The following ENTREP2 variants were observed in gnomAD, a reference collection of about 807,000 sequenced individuals.
The protein encoded by ENTREP2 is endosomal transmembrane epsin interactor 2, also known as protein ENTREP2.
At chr15:29,519,372 T>TCTCTG in the ENTREP2 span, among the ~76,000 whole-genome samples, 1 of 151,568 alleles carries the variant, frequency 6.6e-6, no homozygotes, top group Non-Finnish European at 1.5e-5. Context: ...CCCTCCTACT[T>TCTCTG]CCTCTGCCTC....
chr15:29,296,267 A>AG, the ENTREP2 span, among the ~76,000 whole-genome samples: 1 of 152,188 alleles, frequency 6.6e-6, no homozygotes, highest in Non-Finnish European at 1.5e-5. Context: ...GGCTTGGATG[A>AG]GGGGGTAGCA....
chr15:29,482,123 A>G, the ENTREP2 span, among the ~76,000 whole-genome samples: 51 of 151,650 alleles, frequency 3.4e-4, no homozygotes, highest in Non-Finnish European at 6.3e-4. Flanking sequence ...TCAGCCTCCC[A>G]AGTAGCTGGG....
the ENTREP2 span, among the ~76,000 whole-genome samples, chr15:29,318,334 T>C: frequency 2.0e-5 from 3 of 152,118 alleles, no homozygotes; most frequent in South Asian, 2.1e-4. Context: ...TGTTTTTTGT[T>C]TTTTGAGACG....
At chr15:29,217,248 GT>G in the ENTREP2 span, among the ~76,000 whole-genome samples, 1 of 152,122 alleles carries the variant, frequency 6.6e-6, no homozygotes, top group Non-Finnish European at 1.5e-5. Flanking sequence ...GCTTGCAGAA[GT>G]TAAGTCCTTG....
chr15:29,165,497 T>C, the ENTREP2 span, among the ~76,000 whole-genome samples: 1 of 152,160 alleles, frequency 6.6e-6, no homozygotes, highest in Admixed American at 6.5e-5. Context: ...AAACAGGAGA[T>C]ATTACAGTTG....
the ENTREP2 span, among the ~76,000 whole-genome samples, chr15:29,446,388 T>C: frequency 9.2e-5 from 14 of 152,184 alleles, no homozygotes; most frequent in Admixed American, 9.2e-4. Context: ...TTGGAAGGTT[T>C]TTTTTTCCTG....
the ENTREP2 span, among the ~76,000 whole-genome samples, chr15:29,131,783 G>T: frequency 6.8e-6 from 1 of 146,256 alleles, no homozygotes; most frequent in Admixed American, 6.8e-5. Context: ...CCTCTGGAGG[G>T]CCACCGTCGT....
the ENTREP2 span, chr15:29,269,756 C>T: frequency 7.2e-7 from 1 of 1,398,138 alleles, no homozygotes; most frequent in Non-Finnish European, 9.3e-7. Flanking sequence ...GCAGCCGCGG[C>T]GGGGATTGCG....
At chr15:29,556,609 G>C in the ENTREP2 span, among the ~76,000 whole-genome samples, 1 of 152,142 alleles carries the variant, frequency 6.6e-6, no homozygotes, top group Non-Finnish European at 1.5e-5. Flanking sequence ...AGCCTTTCTT[G>C]CAAGATCTCT....
chr15:29,209,452 G>C, the ENTREP2 span, among the ~76,000 whole-genome samples: 1 of 152,058 alleles, frequency 6.6e-6, no homozygotes, highest in Non-Finnish European at 1.5e-5. Context: ...CTGTGGGCCG[G>C]TATCACCCCA....
chr15:29,591,264 G>C, the ENTREP2 span, among the ~76,000 whole-genome samples: 2 of 152,100 alleles, frequency 1.3e-5, no homozygotes, highest in African/African-American at 4.8e-5. Flanking sequence ...CTCAATTTTA[G>C]AAGATTATTG....
At chr15:29,369,120 G>A in the ENTREP2 span, among the ~76,000 whole-genome samples, 8 of 152,060 alleles carry the variant, frequency 5.3e-5, no homozygotes, top group African/African-American at 1.9e-4. Context: ...ATGCAATGGA[G>A]TATATCAACA....
At chr15:29,530,508 G>C in the ENTREP2 span, among the ~76,000 whole-genome samples, 1 of 152,148 alleles carries the variant, frequency 6.6e-6, no homozygotes, top group African/African-American at 2.4e-5. Context: ...GCAACTACCA[G>C]ATCGATCAAG....
the ENTREP2 span, among the ~76,000 whole-genome samples, chr15:29,337,534 A>G: frequency 2.0e-5 from 3 of 152,230 alleles, no homozygotes; most frequent in Admixed American, 1.3e-4. Context: ...TAATTTACAG[A>G]AAGGGAAACA....
the ENTREP2 span, among the ~76,000 whole-genome samples, chr15:29,316,427 G>A: frequency 2.0e-5 from 3 of 152,036 alleles, no homozygotes; most frequent in East Asian, 1.9e-4. Flanking sequence ...TTGAACATGA[G>A]GTATTTGATG....
chr15:29,175,933 G>C, the ENTREP2 span, among the ~76,000 whole-genome samples: 12 of 152,150 alleles, frequency 7.9e-5, no homozygotes, highest in Non-Finnish European at 1.5e-4. Flanking sequence ...TCTACTTTCT[G>C]GGTCTTGATC....
chr15:29,419,882 G>A, the ENTREP2 span, among the ~76,000 whole-genome samples: 1 of 152,044 alleles, frequency 6.6e-6, no homozygotes, highest in South Asian at 2.1e-4. Flanking sequence ...GACAATCACA[G>A]CAGAATTTGT....
At chr15:29,371,385 C>T in the ENTREP2 span, among the ~76,000 whole-genome samples, 3 of 150,948 alleles carry the variant, frequency 2.0e-5, no homozygotes, top group Admixed American at 1.3e-4. Context: ...CACACACACA[C>T]GAAACCAACT....
the ENTREP2 span, among the ~76,000 whole-genome samples, chr15:29,293,146 A>G: frequency 6.6e-6 from 1 of 152,224 alleles, no homozygotes; most frequent in South Asian, 2.1e-4. Flanking sequence ...AAGGCTCCGG[A>G]GGAGGACAGA....
Sources: allele counts gnomAD v4.1 joint callset (sites outside exome capture counted in the v4.1 genomes callset), GRCh38; gene constraint gnomAD v4.1.1; transcripts MANE v1.5; gene names NCBI Gene and HGNC (gene_info 2026-07-23, HGNC 2026-07-21).